The following EYS variants were observed in gnomAD, a reference collection of about 807,000 sequenced individuals.
EYS encodes protein eyes shut homolog.
In EYS, 250 loss-of-function variants were observed where a neutral mutation model predicts 282.1. That is an observed-to-expected ratio of 0.89 (90% CI 0.80 to 0.98). EYS has a LOEUF of 0.98. Ranked by LOEUF, EYS falls within the 50% of genes least tolerant of loss-of-function variation. The pLI is 0.00. For missense variants in EYS, 4,016 were observed against 3,709.0 expected (o/e 1.08, Z -2.15); for synonymous variants, 1,355 against 1,282.9 (o/e 1.06, Z -1.20).
chr6:65,434,352 G>A (rs1039772621), intron 5 of EYS, among the ~76,000 whole-genome samples: 2 of 146,842 alleles, frequency 1.4e-5, no homozygotes, highest in Admixed American at 7.0e-5. Context: ...ACGGAGTCTC[G>A]CTCTGTTGCC....
intron 37 of EYS, among the ~76,000 whole-genome samples, chr6:63,791,622 T>C (rs561484936): frequency 2.6e-5 from 4 of 151,720 alleles, no homozygotes; most frequent in African/African-American, 9.7e-5. Context: ...GGATGTGGGC[T>C]TGACTGGCAT....
At chr6:64,220,454 G>A (rs1410020187) in intron 31 of EYS, among the ~76,000 whole-genome samples, 2 of 152,154 alleles carry the variant, frequency 1.3e-5, no homozygotes, top group Non-Finnish European at 2.9e-5. Context: ...CTGACTTTCA[G>A]CAGACTGGCT....
chr6:64,093,172 T>C (rs1582257472), intron 31 of EYS, among the ~76,000 whole-genome samples: 1 of 152,054 alleles, frequency 6.6e-6, no homozygotes, highest in African/African-American at 2.4e-5. Context: ...TAGGATAGTT[T>C]GAAGTCAGGT....
chr6:64,739,960 T>C (rs928010581), intron 22 of EYS, among the ~76,000 whole-genome samples: 49 of 152,110 alleles, frequency 3.2e-4, no homozygotes, highest in African/African-American at 1.2e-3. Context: ...GCTAAGGTGT[T>C]AATAATAAAA....
chr6:65,626,727 C>A (rs915882969), intron 2 of EYS, among the ~76,000 whole-genome samples: 3 of 151,934 alleles, frequency 2.0e-5, no homozygotes, highest in Non-Finnish European at 2.9e-5. Context: ...TGCAAAATAA[C>A]AAATTCAAAG....
At chr6:65,062,497 C>G (rs978926400) in intron 12 of EYS, among the ~76,000 whole-genome samples, 3 of 151,848 alleles carry the variant, frequency 2.0e-5, no homozygotes, top group African/African-American at 7.2e-5. Flanking sequence ...ACAACACATC[C>G]AGAGTAATTT....
intron 28 of EYS, among the ~76,000 whole-genome samples, chr6:64,429,238 T>C (rs1774506410): frequency 6.6e-6 from 1 of 152,130 alleles, no homozygotes; most frequent in Admixed American, 6.6e-5. Flanking sequence ...TCAAGTAAAA[T>C]GATGGGAAAT....
intron 1 of EYS, among the ~76,000 whole-genome samples, chr6:65,698,088 C>G (rs1266639722): frequency 2.0e-4 from 31 of 151,974 alleles, no homozygotes; most frequent in Non-Finnish European, 2.9e-5. Context: ...AGGTCAGACG[C>G]TGGGGGAAGG....
intron 22 of EYS, among the ~76,000 whole-genome samples, chr6:64,668,836 G>A (rs1180869537): frequency 2.0e-5 from 3 of 151,954 alleles, no homozygotes; most frequent in Non-Finnish European, 2.9e-5. Context: ...CAAAGTGCTG[G>A]TATTACAGGT....
chr6:63,820,114 T>C (rs72888246), intron 36 of EYS, among the ~76,000 whole-genome samples: 308 of 152,314 alleles, frequency 2.0e-3, no homozygotes, highest in Middle Eastern at 6.8e-3. Flanking sequence ...AAAAAGTGCA[T>C]ATAATCTTCT....
In EYS at chr6:65,197,353, A is replaced by G. The variant is rs150380494; in HGVS notation, c.2023+98510T>C. On this transcript the variant is annotated intron_variant, in intron 12 of 42. Coordinates refer to ENST00000503581, the MANE Select transcript of EYS (RefSeq NM_001142800.2). ...AGGATCTAATAAAGACTTATACTCA[A>G]TCTGAGACCAGAGTAACTAAAAAGA... 4.0e-3 allele frequency among the ~76,000 whole-genome samples: 608 copies of G among 152,184 alleles called. 2 individuals carry two copies. The highest frequency in any genetic ancestry group is 0.039 in the East Asian group (201 of 5,148).
intron 24 of EYS, among the ~76,000 whole-genome samples, chr6:64,601,033 T>C (rs1004876557): frequency 2.5e-4 from 38 of 152,078 alleles, no homozygotes; most frequent in Non-Finnish European, 1.3e-4. Context: ...ATCTACATAC[T>C]TAACTACCAC....
intron 36 of EYS, among the ~76,000 whole-genome samples, chr6:63,825,382 C>T (rs958645506): frequency 3.9e-5 from 6 of 152,200 alleles, no homozygotes; most frequent in Non-Finnish European, 2.9e-5. Flanking sequence ...CACTGCCCAT[C>T]CCTCTCCACA....
chr6:63,905,579 C>G (rs1173393191), intron 35 of EYS, among the ~76,000 whole-genome samples: 1 of 152,130 alleles, frequency 6.6e-6, no homozygotes, highest in Non-Finnish European at 1.5e-5. Context: ...ATCCACCCGC[C>G]TCTGCCTCCC....
At chr6:64,702,598 TCTC>T (rs1562143595) in intron 22 of EYS, among the ~76,000 whole-genome samples, 1 of 152,072 alleles carries the variant, frequency 6.6e-6, no homozygotes, top group Admixed American at 6.6e-5. Context: ...GTTAATAAGT[TCTC>T]CTGTGTAATA....
intron 41 of EYS, among the ~76,000 whole-genome samples, chr6:63,729,998 G>A (rs565450502): frequency 6.6e-6 from 1 of 151,962 alleles, no homozygotes; most frequent in South Asian, 2.1e-4. Flanking sequence ...GAGTTATATC[G>A]AACTTAACAT....
chr6:64,428,643 G>C (rs543553224), intron 28 of EYS, among the ~76,000 whole-genome samples: 2 of 152,202 alleles, frequency 1.3e-5, no homozygotes, highest in South Asian at 4.2e-4. Flanking sequence ...GCATACATTT[G>C]TATGGCTCAG....
intron 28 of EYS, among the ~76,000 whole-genome samples, chr6:64,395,764 C>A (rs1773345620): frequency 1.3e-5 from 2 of 149,086 alleles, no homozygotes; most frequent in Admixed American, 6.7e-5. Context: ...GCACATGTAC[C>A]CTAAAACTTA....
chr6:64,830,800 GTAATGAGCATTCCAGGTCCCCAT>G, intron 19 of EYS, among the ~76,000 whole-genome samples: 1 of 151,674 alleles, frequency 6.6e-6, no homozygotes, highest in Admixed American at 6.6e-5. Context: ...AATAGATAAA[GTAATGAGCATTCCAGGTCCCCAT>G]TCAGAACAGC....
Sources: allele counts gnomAD v4.1 joint callset (sites outside exome capture counted in the v4.1 genomes callset), GRCh38; gene constraint gnomAD v4.1.1; transcripts MANE v1.5; gene names NCBI Gene and HGNC (gene_info 2026-07-23, HGNC 2026-07-21).